The following COL4A2 variants were observed in gnomAD, a reference collection of about 807,000 sequenced individuals.
The protein encoded by COL4A2 is collagen alpha-2(IV) chain.
A neutral mutation model predicts 200.2 loss-of-function variants in COL4A2; 99 were observed. The observed-to-expected ratio is 0.49, with a 90% CI of 0.42 to 0.58. The LOEUF is 0.58. COL4A2 is among the 20% of genes least tolerant of loss of function. The probability of loss-of-function intolerance (pLI) is 0.00; values close to 1 mark genes in which losing one functional copy is unlikely to be tolerated. For missense variants in COL4A2, 1,950 were observed against 2,314.1 expected, an observed-to-expected ratio of 0.84 and a Z score of 3.23; for synonymous variants, 897 against 900.6, an observed-to-expected ratio of 1.00 and a Z score of 0.07.
chr13:110,365,172 G>A (rs894226313), intron 4 of COL4A2, among the ~76,000 whole-genome samples: 10 of 151,544 alleles, frequency 6.6e-5, no homozygotes, highest in East Asian at 1.9e-4. Flanking sequence ...GCGGAGTTTC[G>A]CTCTTGTTGC....
chr13:110,453,124 A>G (rs957468552), intron 20 of COL4A2, among the ~76,000 whole-genome samples: 2 of 152,184 alleles, frequency 1.3e-5, no homozygotes, highest in African/African-American at 2.4e-5. Flanking sequence ...TATGAGCATT[A>G]TATTTCCTAA....
chr13:110,404,592 A>G (rs916079703), intron 4 of COL4A2, among the ~76,000 whole-genome samples: 1 of 152,206 alleles, frequency 6.6e-6, no homozygotes, highest in Non-Finnish European at 1.5e-5. Flanking sequence ...GGGTCCCCAT[A>G]TGGACCCACC....
intron 40 of COL4A2, among the ~76,000 whole-genome samples, chr13:110,496,075 C>A (rs888318420): frequency 6.6e-6 from 1 of 152,224 alleles, no homozygotes; most frequent in African/African-American, 2.4e-5. Context: ...CCCACCTCAC[C>A]AGCCTGACCA....
intron 3 of COL4A2, among the ~76,000 whole-genome samples, chr13:110,315,779 G>C (rs1885115553): frequency 6.6e-6 from 1 of 152,148 alleles, no homozygotes; most frequent in Admixed American, 6.5e-5. Flanking sequence ...ATCTTGCATC[G>C]GCCCTCATGG....
intron 18 of COL4A2, among the ~76,000 whole-genome samples, chr13:110,447,241 T>C (rs190368276): frequency 4.8e-3 from 734 of 152,284 alleles, no homozygotes; most frequent in Non-Finnish European, 8.0e-3. Flanking sequence ...TCGGATTTTT[T>C]CTCCAAATGC....
chr13:110,475,659 T>G (rs1882676032), intron 29 of COL4A2, among the ~76,000 whole-genome samples: 2 of 152,252 alleles, frequency 1.3e-5, no homozygotes, highest in South Asian at 4.1e-4. Flanking sequence ...TCCAAGTAAC[T>G]ACTTCAGTTT....
At chr13:110,338,438 G>T (rs557369364) in intron 3 of COL4A2, among the ~76,000 whole-genome samples, 12 of 150,242 alleles carry the variant, frequency 8.0e-5, no homozygotes, top group South Asian at 6.3e-4. Flanking sequence ...TGTGTGTGGG[G>T]GGGGGTGGGG....
At chr13:110,491,181 C>T in intron 36 of COL4A2, 52 bp from the exon 37 acceptor site, 2 of 1,335,258 alleles carry the variant, frequency 1.5e-6, no homozygotes, top group Non-Finnish European at 2.1e-6. Flanking sequence ...TTCCAGGGAA[C>T]CCACAGGGGC....
chr13:110,416,449 C>T (rs1048266418), intron 4 of COL4A2, among the ~76,000 whole-genome samples: 7 of 152,234 alleles, frequency 4.6e-5, no homozygotes, highest in African/African-American at 1.7e-4. Context: ...AAATGAAATG[C>T]ATTTATTGCT....
Position 110,434,543 on chromosome 13 carries a change from T to C in COL4A2, c.726+101T>C, listed in dbSNP as rs1470054095. ...AGTTCTGTGCTGTAAAACTTTTACC[T>C]TGAGTTGATCTGCAGACAGACCATT... is the stretch of plus-strand genomic sequence containing the variant. On this transcript the variant is annotated intron_variant, in intron 12 of 47. Coordinates refer to ENST00000360467, the MANE Select transcript of COL4A2 (RefSeq NM_001846.4). 3 of 1,260,658 alleles carry C rather than the reference T, an allele frequency of 2.4e-6. No individual in the cohort carries two copies. In the African/African-American group the frequency reaches 4.5e-5, roughly 19 times the overall value. 78.1% of individuals were successfully genotyped at this position (1,260,658 alleles called of 1,614,324 possible).
intron 3 of COL4A2, among the ~76,000 whole-genome samples, chr13:110,329,308 C>T (rs548429727): frequency 6.6e-6 from 1 of 152,348 alleles, no homozygotes; most frequent in South Asian, 2.1e-4. Context: ...CCACCCTCCA[C>T]CACCCCACTA....
At chr13:110,400,302 G>T (rs946849602) in intron 4 of COL4A2, among the ~76,000 whole-genome samples, 13 of 152,144 alleles carry the variant, frequency 8.5e-5, no homozygotes, top group Non-Finnish European at 1.9e-4. Context: ...ATTTAAATAA[G>T]ATTTTAAGTA....
intron 4 of COL4A2, among the ~76,000 whole-genome samples, chr13:110,358,409 C>T (rs1877378658): frequency 6.6e-6 from 1 of 152,154 alleles, no homozygotes; most frequent in Non-Finnish European, 1.5e-5. Flanking sequence ...TCCTGAAGCA[C>T]CTGCCTGAGG....
intron 4 of COL4A2, among the ~76,000 whole-genome samples, chr13:110,386,585 G>A (rs1878761545): frequency 6.6e-6 from 1 of 152,168 alleles, no homozygotes; most frequent in South Asian, 2.1e-4. Context: ...ATATGGAGTG[G>A]AGAAGTGCTA....
chr13:110,485,088 T>TCGTGCCCTTCTCCGTCCCCAGAGACGCC, intron 33 of COL4A2, 61 bp downstream of exon 33: 1 of 1,432,228 alleles, frequency 7.0e-7, no homozygotes, highest in Non-Finnish European at 9.3e-7. Flanking sequence ...CCGCACCAGC[T>TCGTGCCCTTCTCCGTCCCCAGAGACGCC]CGTGCCCTTC....
chr13:110,407,323 G>C lies in COL4A2; in HGVS notation c.181-17411G>C, dbSNP rs1879610402. On this transcript the variant is annotated intron_variant, in intron 4 of 47. Coordinates refer to ENST00000360467, the MANE Select transcript of COL4A2 (RefSeq NM_001846.4). ...AATGATGCGTCAGTTCAGTTCACCAGGAGAAACGTGGAAAGGCCAGTGTAG... is the reference window on the plus strand; with the variant it reads ...AATGATGCGTCAGTTCAGTTCACCACGAGAAACGTGGAAAGGCCAGTGTAG... Among the ~76,000 whole-genome samples the C allele has an allele frequency of 3.3e-5, 5 of 152,324 alleles. No homozygotes were observed. The South Asian group carries it at 1.0e-3, about 32-fold the overall frequency.
chr13:110,342,113 T>A (rs572758152), intron 3 of COL4A2, among the ~76,000 whole-genome samples: 1 of 152,306 alleles, frequency 6.6e-6, no homozygotes, highest in East Asian at 1.9e-4. Context: ...TCGGCATAGA[T>A]GAGCCATTTA....
intron 3 of COL4A2, among the ~76,000 whole-genome samples, chr13:110,330,030 T>G (rs1594149744): frequency 6.6e-6 from 1 of 152,248 alleles, no homozygotes. Context: ...GTGTGTATTT[T>G]GCTTTTTGGT....
At chr13:110,386,336 A>G (rs1878749020) in intron 4 of COL4A2, among the ~76,000 whole-genome samples, 1 of 152,210 alleles carries the variant, frequency 6.6e-6, no homozygotes, top group Non-Finnish European at 1.5e-5. Flanking sequence ...ACAGAACAAA[A>G]CAACTGCAGG....
Sources: allele counts gnomAD v4.1 joint callset (sites outside exome capture counted in the v4.1 genomes callset), GRCh38; gene constraint gnomAD v4.1.1; transcripts MANE v1.5; gene names NCBI Gene and HGNC (gene_info 2026-07-23, HGNC 2026-07-21).